Variants in GALK2 observed in about 807,000 individuals in gnomAD.
The protein encoded by GALK2 is galactokinase 2.
A neutral mutation model predicts 52.4 loss-of-function variants in GALK2; 36 were observed. The observed-to-expected ratio is 0.69, with a 90% CI of 0.53 to 0.91. GALK2 has a LOEUF of 0.91. Among genes scored for constraint, GALK2 ranks in the 40% least tolerant of loss-of-function variants. The pLI is 0.00. For missense variants in GALK2, 579 were observed against 559.1 expected (o/e 1.04, Z -0.36); for synonymous variants, 176 against 199.1 (o/e 0.88, Z 0.98).
chr15:49,278,290 T>TTGGACATATATTTTCC (rs2032182237), intron 5 of GALK2, among the ~76,000 whole-genome samples: 2 of 152,100 alleles, frequency 1.3e-5, no homozygotes, highest in South Asian at 4.1e-4. Context: ...TAAAACACAA[T>TTGGACATATATTTTCC]TGGACATATA....
chr15:49,235,676 T>G (rs778138277), intron 3 of GALK2, 175 bp from the exon 4 acceptor site: 17 of 739,498 alleles, frequency 2.3e-5, no homozygotes, highest in Non-Finnish European at 3.5e-5. Context: ...CCACTGCAAC[T>G]TCCTCTCTTA....
chr15:49,238,710 C>CT (rs1201321661), intron 4 of GALK2, among the ~76,000 whole-genome samples: 1 of 152,056 alleles, frequency 6.6e-6, no homozygotes, highest in Non-Finnish European at 1.5e-5. Context: ...TTTGGAACTC[C>CT]TTTTTTTCAG....
intron 3 of GALK2, among the ~76,000 whole-genome samples, chr15:49,364,258 T>C (rs1039364493): frequency 2.6e-5 from 4 of 152,158 alleles, no homozygotes; most frequent in South Asian, 2.1e-4. Context: ...TTTTTCTGGT[T>C]GGTAGGCTTT....
At chr15:49,234,038 A>G (rs914806475) in intron 3 of GALK2, among the ~76,000 whole-genome samples, 1 of 152,208 alleles carries the variant, frequency 6.6e-6, no homozygotes, top group Non-Finnish European at 1.5e-5. Flanking sequence ...TTATTGAGTT[A>G]AAATAATCCA....
chr15:49,297,446 T>C (rs1202433669), intron 8 of GALK2, among the ~76,000 whole-genome samples: 1 of 152,216 alleles, frequency 6.6e-6, no homozygotes, highest in Non-Finnish European at 1.5e-5. Context: ...GTCTCACTTG[T>C]CAATTTTTGT....
chr15:49,171,990 C>T (rs2085132629), intron 1 of GALK2, among the ~76,000 whole-genome samples: 1 of 152,100 alleles, frequency 6.6e-6, no homozygotes, highest in South Asian at 2.1e-4. Context: ...CCAGGCTGGT[C>T]TCCAACTTGT....
chr15:49,249,463 C>G (rs145570450), intron 5 of GALK2, among the ~76,000 whole-genome samples: 2,109 of 152,270 alleles, frequency 0.014, 24 homozygotes, highest in Non-Finnish European at 0.022. Context: ...CTCAGTTAAA[C>G]TGGCTTAATA....
At chr15:49,348,223 G>A (rs983267475) in intron 3 of GALK2, among the ~76,000 whole-genome samples, 1 of 151,994 alleles carries the variant, frequency 6.6e-6, no homozygotes, top group African/African-American at 2.4e-5. Context: ...TGCTTTGAAG[G>A]ACTTTGGCTA....
chr15:49,284,978 A>G (rs1259372119), intron 7 of GALK2, among the ~76,000 whole-genome samples: 3 of 151,788 alleles, frequency 2.0e-5, no homozygotes, highest in Admixed American at 6.6e-5. Flanking sequence ...AAGCCTCACA[A>G]CTCTCTCCAT....
chr15:49,328,096 G>C lies in GALK2; in HGVS notation c.1314G>C (p.Pro438=), dbSNP rs745738396. ...YYQRSDGSLA[P]EKQSLFATKP... ...AGAGGAGTGATGGAAGCTTAGCACC[G>C]GAGAAGCAAAGTTTGTTTGCTACCA... The change falls in exon 10 of 10, where the codon CCG becomes CCC. Residue 438 remains proline, a synonymous_variant. Coordinates refer to ENST00000560031, the MANE Select transcript of GALK2 (RefSeq NM_002044.4). 1 of 1,614,026 alleles carries C rather than the reference G, an allele frequency of 6.2e-7. No homozygotes were observed. The highest frequency in any genetic ancestry group is 8.5e-7 in the Non-Finnish European group (1 of 1,179,980).
intron 1 of GALK2, chr15:49,177,727 C>G (rs2085577393): frequency 2.5e-6 from 2 of 786,580 alleles, no homozygotes; most frequent in East Asian, 9.3e-5. Flanking sequence ...AGATGTCAGC[C>G]CATGCATCAC....
intron 9 of GALK2, among the ~76,000 whole-genome samples, chr15:49,322,938 C>G (rs1308544185): frequency 8.9e-6 from 1 of 112,688 alleles, no homozygotes; most frequent in Non-Finnish European, 1.7e-5. Context: ...GCCTGTGGGA[C>G]AGAGCAAGAC....
intron 3 of GALK2, among the ~76,000 whole-genome samples, chr15:49,230,382 T>A (rs1426999621): frequency 1.3e-5 from 2 of 152,188 alleles, no homozygotes; most frequent in Non-Finnish European, 2.9e-5. Context: ...CTCTTGCCCT[T>A]TACCCACGCT....
At chr15:49,276,392 A>G (rs1468891248) in intron 5 of GALK2, among the ~76,000 whole-genome samples, 2 of 152,216 alleles carry the variant, frequency 1.3e-5, no homozygotes, top group East Asian at 3.8e-4. Context: ...CCTTTGCTAA[A>G]GAGAATGGTG....
intron 8 of GALK2, among the ~76,000 whole-genome samples, chr15:49,317,935 G>A (rs1001663946): frequency 2.0e-5 from 3 of 152,100 alleles, no homozygotes; most frequent in African/African-American, 7.2e-5. Flanking sequence ...GGGAGGGATA[G>A]CATTAGGAGA....
At chr15:49,168,151 T>C (rs75646649), upstream of GALK2, among the ~76,000 whole-genome samples, 2,634 of 152,334 alleles carry the variant, frequency 0.017, 67 homozygotes, top group African/African-American at 0.061. Flanking sequence ...TGTAAGGTGC[T>C]TTCTAGTCTG....
At chr15:49,287,200 A>G (rs2033463818) in intron 7 of GALK2, among the ~76,000 whole-genome samples, 2 of 152,188 alleles carry the variant, frequency 1.3e-5, no homozygotes, top group African/African-American at 4.8e-5. Context: ...TGCATTTTAG[A>G]GGTACTTTGG....
At chr15:49,230,926 C>T (rs2090465998) in intron 3 of GALK2, among the ~76,000 whole-genome samples, 1 of 151,976 alleles carries the variant, frequency 6.6e-6, no homozygotes, top group African/African-American at 2.4e-5. Flanking sequence ...TTTTGAACCT[C>T]AGGAAAAGGC....
At chr15:49,173,005 G>A (rs1595875382) in intron 1 of GALK2, among the ~76,000 whole-genome samples, 1 of 152,122 alleles carries the variant, frequency 6.6e-6, no homozygotes, top group Non-Finnish European at 1.5e-5. Flanking sequence ...AATTTAGAAC[G>A]TTTTCTTAGA....
Sources: allele counts gnomAD v4.1 joint callset (sites outside exome capture counted in the v4.1 genomes callset), GRCh38; gene constraint gnomAD v4.1.1; transcripts MANE v1.5; gene names NCBI Gene and HGNC (gene_info 2026-07-23, HGNC 2026-07-21).